Variants in TRIM33 observed in about 807,000 individuals in gnomAD.
TRIM33 encodes the protein E3 ubiquitin-protein ligase TRIM33.
Under a neutral mutation model 125.4 loss-of-function variants are expected in TRIM33, and 20 were observed. The observed-to-expected ratio is 0.16, with a 90% CI of 0.11 to 0.23. The LOEUF (loss-of-function observed/expected upper bound fraction) is 0.23. Ranked by LOEUF, TRIM33 falls within the 10% of genes least tolerant of loss-of-function variation. The pLI, the probability that TRIM33 is intolerant of heterozygous loss-of-function variation, is 1.00. For synonymous variants in TRIM33, 564 were observed against 513.9 expected, an observed-to-expected ratio of 1.10 and a Z score of -1.32; for missense variants, 920 against 1,411.4, an observed-to-expected ratio of 0.65 and a Z score of 5.58.
At chr1:114,484,544 T>C (rs1480413631) in intron 1 of TRIM33, among the ~76,000 whole-genome samples, 2 of 151,674 alleles carry the variant, frequency 1.3e-5, no homozygotes, top group Admixed American at 6.6e-5. Context: ...CTGGTCAACA[T>C]GGTGAAACCC....
chr1:114,466,048 A>T (rs72696011), intron 1 of TRIM33, among the ~76,000 whole-genome samples: 9,453 of 152,144 alleles, frequency 0.062, 395 homozygotes, highest in Non-Finnish European at 0.089. Flanking sequence ...CTCAAAAAAA[A>T]AAATAAATAA....
chr1:114,425,065 G>A (rs777215311), intron 9 of TRIM33, among the ~76,000 whole-genome samples: 2 of 152,110 alleles, frequency 1.3e-5, no homozygotes, highest in Non-Finnish European at 2.9e-5. Context: ...GATGGCAGTG[G>A]AGAGAGCAAA....
At position 114,436,700 on chromosome 1, in the gene TRIM33, G is replaced by A. The variant is rs1296199658; in HGVS notation, c.924-2967C>T. ...GGCTGATCTCAAACTCCTGACCTCAGATGATCCGCCCACCTCGACCTCCCA... is the reference window on the plus strand; with the variant it reads ...GGCTGATCTCAAACTCCTGACCTCAAATGATCCGCCCACCTCGACCTCCCA... On this transcript the variant is annotated intron_variant, in intron 4 of 19. Transcript: ENST00000358465. Among the ~76,000 whole-genome samples, 8 of 152,002 alleles carry A rather than the reference G, an allele frequency of 5.3e-5. No homozygotes were observed. The East Asian group carries it at 1.4e-3, about 26-fold the overall frequency.
At chr1:114,411,666 C>A (rs963720009) in intron 11 of TRIM33, among the ~76,000 whole-genome samples, 1 of 152,104 alleles carries the variant, frequency 6.6e-6, no homozygotes, top group African/African-American at 2.4e-5. Flanking sequence ...CAATTTGTAT[C>A]TTTTGCTAGA....
At chr1:114,502,175 C>G (rs1437038708) in intron 1 of TRIM33, among the ~76,000 whole-genome samples, 1 of 152,166 alleles carries the variant, frequency 6.6e-6, no homozygotes, top group Non-Finnish European at 1.5e-5. Context: ...GAGGCTTTTT[C>G]TGAACTGTTA....
chr1:114,466,378 G>T (rs1009457929), intron 1 of TRIM33, among the ~76,000 whole-genome samples: 30 of 152,152 alleles, frequency 2.0e-4, no homozygotes, highest in African/African-American at 7.2e-4. Context: ...TATTTGGCAG[G>T]CCTGGGTTGC....
chr1:114,405,484 A>G lies in TRIM33; in HGVS notation c.2694T>C (p.Asp898=), dbSNP rs1039277540. 2.5e-6 allele frequency: 4 copies of G among 1,614,130 alleles called. No homozygotes were observed. Among genetic ancestry groups the G allele is most frequent in the Non-Finnish European group, 3.4e-6 (4 of 1,180,014 alleles). Residue 898 remains aspartate (D), a synonymous_variant, in exon 15 of 20, where the codon GAT becomes GAC. Coordinates refer to ENST00000358465, the MANE Select transcript of TRIM33 (RefSeq NM_015906.4). The stretch of plus-strand genomic sequence containing the variant: ...TTGGACATTTTTCGCAGCACAAGAG[A>G]TCTCCTCCGTTTTGGCAGACAGCAC... ...DWCAVCQNGG[D]LLCCEKCPKV...
At chr1:114,413,558 CA>C (rs34268626) in intron 11 of TRIM33, among the ~76,000 whole-genome samples, 54 of 40,814 alleles carry the variant, frequency 1.3e-3, no homozygotes, top group East Asian at 5.4e-3. Flanking sequence ...AACTCCATCT[CA>C]AAAAAAAAAA....
At chr1:114,455,918 G>A (rs1649589588) in intron 4 of TRIM33, among the ~76,000 whole-genome samples, 1 of 152,144 alleles carries the variant, frequency 6.6e-6, no homozygotes, top group Non-Finnish European at 1.5e-5. Context: ...CAATATACAC[G>A]TGTGGGTAAA....
rs941267502 is a variant in TRIM33, at chr1:114,393,605, T to C, written c.*4043A>G. On this transcript the variant is annotated 3_prime_UTR_variant, in exon 20 of 20. Coordinates refer to ENST00000358465, the MANE Select transcript of TRIM33 (RefSeq NM_015906.4). The stretch of plus-strand genomic sequence containing the variant: ...AATAAAAAATATATAAAGGACCACA[T>C]AGGCAAACACAAGGAACTAAGATGA... 2 of 210,984 alleles carry C rather than the reference T, an allele frequency of 9.5e-6. No homozygotes were observed. Among genetic ancestry groups the C allele is most frequent in the African/African-American group, 2.3e-5 (1 of 44,118 alleles). 13.1% of individuals were successfully genotyped at this position (210,984 alleles called of 1,614,324 possible).
chr1:114,461,006 G>A (rs1649947117), intron 4 of TRIM33, among the ~76,000 whole-genome samples: 1 of 151,718 alleles, frequency 6.6e-6, no homozygotes, highest in African/African-American at 2.4e-5. Flanking sequence ...AGGGGTCGTG[G>A]GAACCGCCCC....
intron 7 of TRIM33, 69 bp from the exon 8 acceptor site, chr1:114,427,363 A>T: frequency 1.2e-6 from 1 of 862,906 alleles, no homozygotes; most frequent in Non-Finnish European, 1.9e-6. Context: ...AGATAAAGAC[A>T]TTAAGAAAAA....
chr1:114,435,691 A>C (rs1647116388), intron 4 of TRIM33, among the ~76,000 whole-genome samples: 1 of 151,918 alleles, frequency 6.6e-6, no homozygotes, highest in Non-Finnish European at 1.5e-5. Flanking sequence ...TGGTGCACTG[A>C]CTTTATTGTG....
chr1:114,395,724 G>T lies in TRIM33; in HGVS notation c.*1924C>A, dbSNP rs1651508410. On this transcript the variant is annotated 3_prime_UTR_variant, in exon 20 of 20. Coordinates refer to ENST00000358465, the MANE Select transcript of TRIM33 (RefSeq NM_015906.4). ...AAAATTTGAGTAAAATGTTTCAACAGTTTGGTATATTTTCAACGGCTTAAA... is the reference window on the plus strand; with the variant it reads ...AAAATTTGAGTAAAATGTTTCAACATTTTGGTATATTTTCAACGGCTTAAA... The T allele has an allele frequency of 1.6e-5, 3 of 191,204 alleles. No individual in the cohort carries two copies. The highest frequency in any genetic ancestry group is 7.0e-5 in the African/African-American group (3 of 43,018). The allele number at this position is 191,204 out of a possible 1,614,324, so 11.8% of individuals were successfully genotyped here. A position where few individuals can be genotyped will look rare whatever the true frequency, so the allele number is the denominator to read the frequency against.
At position 114,486,487 on chromosome 1, in the gene TRIM33, C is replaced by T. The variant is rs112626783; in HGVS notation, c.527-22099G>A. Among the ~76,000 whole-genome samples, 663 of 141,382 alleles carry T rather than the reference C, an allele frequency of 4.7e-3. 7 individuals are homozygous for T. Among genetic ancestry groups the T allele is most frequent in the African/African-American group, 0.016 (619 of 37,606 alleles). 92.8% of individuals were successfully genotyped at this position (141,382 alleles called of 152,430 possible). A position where few individuals can be genotyped will look rare whatever the true frequency, so the allele number is the denominator to read the frequency against. On this transcript the variant is annotated intron_variant, in intron 1 of 19. Transcript: ENST00000358465. ...AAAATATACAAAAATTAGCCGGTGTCGTGGCACCAAGATCACACCACTGCA... is the reference window on the plus strand; with the variant it reads ...AAAATATACAAAAATTAGCCGGTGTTGTGGCACCAAGATCACACCACTGCA...
At chr1:114,456,150 A>G (rs1649607829) in intron 4 of TRIM33, among the ~76,000 whole-genome samples, 1 of 152,200 alleles carries the variant, frequency 6.6e-6, no homozygotes, top group African/African-American at 2.4e-5. Flanking sequence ...ATTGGGATAG[A>G]CAGTATGTTT....
intron 1 of TRIM33, among the ~76,000 whole-genome samples, chr1:114,485,346 C>T (rs1242774263): frequency 6.6e-6 from 1 of 151,768 alleles, no homozygotes; most frequent in Non-Finnish European, 1.5e-5. Flanking sequence ...TAGGGAATAG[C>T]AGGAAGCTGA....
At position 114,484,121 on chromosome 1, in the gene TRIM33, T is replaced by C. The variant is rs542982965; in HGVS notation, c.527-19733A>G. ...TGAGTTTGCAAAAAGATGTTTTATT[T>C]TGAAATAATGGTCTGCCAGACAAAA... On this transcript the variant is annotated intron_variant, in intron 1 of 19. Coordinates refer to ENST00000358465, the MANE Select transcript of TRIM33 (RefSeq NM_015906.4). Among the ~76,000 whole-genome samples the C allele has an allele frequency of 6.6e-5, 10 of 152,340 alleles. No individual in the cohort carries two copies. In the South Asian group the frequency reaches 2.1e-3, roughly 32 times the overall value.
chr1:114,413,677 A>G (rs1315220630), intron 11 of TRIM33, among the ~76,000 whole-genome samples: 2 of 144,572 alleles, frequency 1.4e-5, no homozygotes, highest in Non-Finnish European at 3.0e-5. Flanking sequence ...CACAGTATTT[A>G]TAGCACTAGG....
Sources: gnomAD v4.1 joint callset for allele counts (sites outside exome capture counted in the v4.1 genomes callset) on GRCh38, gnomAD v4.1.1 for gene constraint, MANE v1.5 for transcripts, NCBI Gene and HGNC (gene_info 2026-07-23, HGNC 2026-07-21) for gene names.